The following MLLT3 variants were observed in gnomAD, a reference collection of about 807,000 sequenced individuals.
MLLT3 encodes the protein MLLT3 super elongation complex subunit.
Under a neutral mutation model 53.2 loss-of-function variants are expected in MLLT3, and 4 were observed. The observed-to-expected ratio is 0.08, with a 90% CI of 0.04 to 0.17. The LOEUF (loss-of-function observed/expected upper bound fraction) is 0.17, where lower values mean the gene tolerates loss of function less well. Among genes scored for constraint, MLLT3 ranks in the 10% least tolerant of loss-of-function variants. The pLI, the probability that MLLT3 is intolerant of heterozygous loss-of-function variation, is 1.00. For missense variants in MLLT3, 569 were observed against 684.0 expected (o/e 0.83, Z 1.87); for synonymous variants, 283 against 230.6 (o/e 1.23, Z -2.06).
intron 2 of MLLT3, among the ~76,000 whole-genome samples, chr9:20,468,923 A>C (rs973055246): frequency 8.5e-5 from 13 of 152,222 alleles, no homozygotes; most frequent in Admixed American, 2.0e-4. Context: ...ACAAAAACGA[A>C]GGGATTTAAA....
In MLLT3 at chr9:20,350,573, C is replaced by T. The variant is rs573096214; in HGVS notation, c.1575+2952G>A. ...TCCCGCCACTGCACTCCAGCCTGGGCGACAGAGCGAGACTCCGTCTCAAAA... is the reference window on the plus strand; with the variant it reads ...TCCCGCCACTGCACTCCAGCCTGGGTGACAGAGCGAGACTCCGTCTCAAAA... On this transcript the variant is annotated intron_variant, in intron 10 of 10. Transcript: ENST00000380338. Among the ~76,000 whole-genome samples, 4 of 133,588 alleles carry T rather than the reference C, an allele frequency of 3.0e-5. No homozygotes were observed. In the East Asian group the frequency reaches 7.1e-4, roughly 24 times the overall value. 87.6% of individuals were successfully genotyped at this position (133,588 alleles called of 152,430 possible).
intron 2 of MLLT3, among the ~76,000 whole-genome samples, chr9:20,600,648 C>T (rs1820398081): frequency 6.6e-6 from 1 of 152,164 alleles, no homozygotes. Flanking sequence ...CATTTTAAAT[C>T]CTTACTCAGA....
At chr9:20,609,569 A>G (rs1587129028) in intron 2 of MLLT3, among the ~76,000 whole-genome samples, 1 of 152,122 alleles carries the variant, frequency 6.6e-6, no homozygotes, top group Non-Finnish European at 1.5e-5. Flanking sequence ...AAAGCATGAA[A>G]AACCCAACGA....
At chr9:20,421,253 G>T (rs1823001413) in intron 4 of MLLT3, among the ~76,000 whole-genome samples, 1 of 152,036 alleles carries the variant, frequency 6.6e-6, no homozygotes, top group African/African-American at 2.4e-5. Flanking sequence ...AATAGAGCAA[G>T]ACTCTGTCTC....
At chr9:20,524,652 A>G (rs950193676) in intron 2 of MLLT3, among the ~76,000 whole-genome samples, 31 of 152,306 alleles carry the variant, frequency 2.0e-4, no homozygotes, top group African/African-American at 7.5e-4. Flanking sequence ...TTACTGTGGC[A>G]CAGGGTAGCT....
chr9:20,618,767 T>C (rs572621314), intron 2 of MLLT3, among the ~76,000 whole-genome samples: 2 of 152,180 alleles, frequency 1.3e-5, no homozygotes, highest in African/African-American at 4.8e-5. Context: ...AATCATTAAG[T>C]ATAGGAAATA....
rs368095813 is a variant in MLLT3, at chr9:20,360,730, C to G, written c.1431+12G>C. The G allele has an allele frequency of 4.4e-6, 7 of 1,608,190 alleles. No homozygotes were observed. The highest frequency in any genetic ancestry group is 4.0e-5 in the African/African-American group (3 of 74,778). On this transcript the variant is annotated intron_variant, in intron 8 of 10. Coordinates refer to ENST00000380338, the MANE Select transcript of MLLT3 (RefSeq NM_004529.4). Reference sequence around the variant, plus strand: ...CTGCAGAGTCTTGCAAAGTGCAAACCCCACAATTTACCTGGTTGTTGTTGG... The same window carrying G: ...CTGCAGAGTCTTGCAAAGTGCAAACGCCACAATTTACCTGGTTGTTGTTGG...
rs1335941653 is a variant in MLLT3, at chr9:20,366,045, G to C, written c.1126-301C>G. Among the ~76,000 whole-genome samples, 5 of 152,230 alleles carry C rather than the reference G, an allele frequency of 3.3e-5. No homozygotes were observed. The South Asian group carries it at 8.3e-4, about 25-fold the overall frequency. ...TACAGGTCTCCCTCTTTTCATCTTA[G>C]ATATAAAATACTTCTTTATTATACT... On this transcript the variant is annotated intron_variant, in intron 5 of 10. Coordinates refer to ENST00000380338, the MANE Select transcript of MLLT3 (RefSeq NM_004529.4).
chr9:20,606,241 T>C (rs977346734), intron 2 of MLLT3, among the ~76,000 whole-genome samples: 4 of 151,836 alleles, frequency 2.6e-5, no homozygotes, highest in Non-Finnish European at 2.9e-5. Context: ...AATAGAACAT[T>C]ATTGCCTCCA....
intron 4 of MLLT3, among the ~76,000 whole-genome samples, chr9:20,446,500 T>C (rs1332927843): frequency 6.6e-6 from 1 of 152,208 alleles, no homozygotes; most frequent in Non-Finnish European, 1.5e-5. Context: ...AAGTGGTTGC[T>C]TTAAAAAGTT....
intron 2 of MLLT3, among the ~76,000 whole-genome samples, chr9:20,581,347 C>T (rs1819788162): frequency 6.6e-6 from 1 of 152,060 alleles, no homozygotes; most frequent in South Asian, 2.1e-4. Context: ...CTTTCTTTCC[C>T]TTTAGAAATT....
At chr9:20,617,388 A>G (rs1820858010) in intron 2 of MLLT3, among the ~76,000 whole-genome samples, 1 of 152,202 alleles carries the variant, frequency 6.6e-6, no homozygotes, top group South Asian at 2.1e-4. Flanking sequence ...CAAAGGACTA[A>G]GGCTACAAAT....
chr9:20,434,328 T>C (rs1420230092), intron 4 of MLLT3, among the ~76,000 whole-genome samples: 1 of 151,348 alleles, frequency 6.6e-6, no homozygotes, highest in Non-Finnish European at 1.5e-5. Flanking sequence ...ATTGGCAACT[T>C]ACTCTCAAAG....
At chr9:20,467,125 A>G (rs1824256325) in intron 2 of MLLT3, among the ~76,000 whole-genome samples, 1 of 152,134 alleles carries the variant, frequency 6.6e-6, no homozygotes, top group South Asian at 2.1e-4. Flanking sequence ...AAAAAGAGAG[A>G]GAGAACCGGA....
At chr9:20,478,185 T>C (rs931374297) in intron 2 of MLLT3, among the ~76,000 whole-genome samples, 2 of 151,848 alleles carry the variant, frequency 1.3e-5, no homozygotes, top group Admixed American at 1.3e-4. Flanking sequence ...GTGGCTGCAC[T>C]GAGAAGCTGC....
At chr9:20,456,881 C>T (rs1823983392) in intron 2 of MLLT3, 95 bp from the exon 3 acceptor site, 1 of 907,358 alleles carries the variant, frequency 1.1e-6, no homozygotes, top group Non-Finnish European at 1.7e-6. Context: ...CCATCTAGAT[C>T]ACACGCAATT....
At chr9:20,560,569 T>G (rs193009764) in intron 2 of MLLT3, among the ~76,000 whole-genome samples, 1 of 152,110 alleles carries the variant, frequency 6.6e-6, no homozygotes, top group African/African-American at 2.4e-5. Context: ...AAACGTGATG[T>G]TGATGCACAA....
chr9:20,518,374 A>G (rs890777804), intron 2 of MLLT3, among the ~76,000 whole-genome samples: 1 of 152,168 alleles, frequency 6.6e-6, no homozygotes, highest in Non-Finnish European at 1.5e-5. Context: ...AAACAAAAAA[A>G]GGCAACTTTT....
chr9:20,561,166 TTTTA>T (rs1563818108), intron 2 of MLLT3, among the ~76,000 whole-genome samples: 1 of 152,176 alleles, frequency 6.6e-6, no homozygotes, highest in African/African-American at 2.4e-5. Flanking sequence ...AGCACATGCA[TTTTA>T]TTTCTCTAGT....
Sources: allele counts gnomAD v4.1 joint callset (sites outside exome capture counted in the v4.1 genomes callset), GRCh38; gene constraint gnomAD v4.1.1; transcripts MANE v1.5; gene names NCBI Gene and HGNC (gene_info 2026-07-23, HGNC 2026-07-21).